CDK14: variants seen among roughly 807,000 people sequenced by gnomAD.
CDK14 encodes the protein cyclin dependent kinase 14.
In CDK14, 34 loss-of-function variants were observed where a neutral mutation model predicts 60.7. That is an observed-to-expected ratio of 0.56 (90% CI 0.43 to 0.75). The LOEUF (loss-of-function observed/expected upper bound fraction) is 0.75, where lower values mean the gene tolerates loss of function less well. CDK14 is among the 30% of genes least tolerant of loss of function. The pLI is 0.00. For synonymous variants in CDK14, 197 were observed against 203.7 expected, an observed-to-expected ratio of 0.97 and a Z score of 0.28; for missense variants, 482 against 564.1, an observed-to-expected ratio of 0.85 and a Z score of 1.47.
At chr7:91,040,162 C>T (rs945354276) in intron 10 of CDK14, among the ~76,000 whole-genome samples, 2 of 152,206 alleles carry the variant, frequency 1.3e-5, no homozygotes, top group Non-Finnish European at 2.9e-5. Flanking sequence ...CTTCCACCTG[C>T]CCTGTCTGCA....
intron 2 of CDK14, among the ~76,000 whole-genome samples, chr7:90,640,263 C>T (rs185900799): frequency 1.1e-4 from 17 of 152,248 alleles, no homozygotes; most frequent in Non-Finnish European, 1.6e-4. Context: ...GCCATCTTGG[C>T]TCCTCCCTCT....
intron 4 of CDK14, among the ~76,000 whole-genome samples, chr7:90,781,968 C>G (rs1805346256): frequency 6.6e-6 from 1 of 152,052 alleles, no homozygotes; most frequent in Non-Finnish European, 1.5e-5. Context: ...TCATTGGTAG[C>G]TTGATGGGAA....
chr7:90,749,862 A>C (rs1249547869), intron 4 of CDK14, among the ~76,000 whole-genome samples: 2 of 152,194 alleles, frequency 1.3e-5, no homozygotes, highest in Admixed American at 1.3e-4. Context: ...TCATGCCCCC[A>C]GGACTGAGAA....
chr7:90,804,012 A>G (rs371519931), intron 5 of CDK14, among the ~76,000 whole-genome samples: 37 of 152,348 alleles, frequency 2.4e-4, no homozygotes, highest in African/African-American at 8.7e-4. Flanking sequence ...GAGTGAATGA[A>G]TGAATAAGCT....
chr7:90,776,519 A>G (rs3779554), intron 4 of CDK14, among the ~76,000 whole-genome samples: 66,160 of 152,034 alleles, frequency 0.44, 15,198 homozygotes, highest in East Asian at 0.82. Flanking sequence ...GAAGAATTAG[A>G]AACCGAGTGT....
At chr7:91,185,016 C>T (rs574168707) in intron 14 of CDK14, among the ~76,000 whole-genome samples, 2 of 150,930 alleles carry the variant, frequency 1.3e-5, no homozygotes, top group Admixed American at 6.6e-5. Context: ...GCATACATTG[C>T]GAGTGGTAGC....
intron 10 of CDK14, among the ~76,000 whole-genome samples, chr7:91,027,600 G>C (rs1408809676): frequency 6.6e-6 from 1 of 152,094 alleles, no homozygotes; most frequent in Non-Finnish European, 1.5e-5. Context: ...CTGTACTATT[G>C]TATGTCAGTT....
At chr7:90,747,620 G>C in intron 3 of CDK14, 61 bp from the exon 4 acceptor site, 14 of 907,262 alleles carry the variant, frequency 1.5e-5, no homozygotes, top group Non-Finnish European at 2.2e-5. Flanking sequence ...GCAAAATCAG[G>C]GTATTTGTTG....
chr7:90,956,282 G>T (rs1244705617), intron 9 of CDK14, among the ~76,000 whole-genome samples: 1 of 152,136 alleles, frequency 6.6e-6, no homozygotes, highest in Non-Finnish European at 1.5e-5. Flanking sequence ...TATCCAAAAT[G>T]AAATAAAATG....
At position 90,818,342 on chromosome 7, in the gene CDK14, CA is replaced by C. The variant is rs982096255; in HGVS notation, c.544+27696del. On this transcript the variant is annotated intron_variant, in intron 5 of 14. Transcript: ENST00000380050. ...ACATCACACGATGGAAAAATTAGTG[CA>C]AAAAATATTTTTAAGTTGTTGCCTT... 8.7e-4 allele frequency among the ~76,000 whole-genome samples: 132 copies of C among 152,196 alleles called. 1 individual carries two copies. The highest frequency in any genetic ancestry group is 3.1e-3 in the African/African-American group (129 of 41,546).
chr7:91,175,211 G>C (rs970666903), intron 14 of CDK14, among the ~76,000 whole-genome samples: 1 of 151,738 alleles, frequency 6.6e-6, no homozygotes, highest in Admixed American at 6.6e-5. Context: ...CAAACTAAGC[G>C]TCATAAGTGA....
chr7:91,043,270 T>C lies in CDK14; in HGVS notation c.1042-2627T>C, dbSNP rs1413541260. The stretch of plus-strand genomic sequence containing the variant: ...AGCCAGGAAAACAATTGTACTTTAT[T>C]AGGAGCAAGAGAACAGGGCTCAGAT... On this transcript the variant is annotated intron_variant, in intron 10 of 14. Transcript: ENST00000380050. Among the ~76,000 whole-genome samples, 3 of 152,192 alleles carry C rather than the reference T, an allele frequency of 2.0e-5. No homozygotes were observed. The East Asian group carries it at 5.8e-4, about 29-fold the overall frequency.
intron 2 of CDK14, among the ~76,000 whole-genome samples, chr7:90,664,362 A>C (rs1800927816): frequency 6.6e-6 from 1 of 152,182 alleles, no homozygotes; most frequent in South Asian, 2.1e-4. Flanking sequence ...TAGTTCAACC[A>C]TTGTGGAAGT....
chr7:90,755,594 G>T (rs1274602655), intron 4 of CDK14, among the ~76,000 whole-genome samples: 2 of 152,142 alleles, frequency 1.3e-5, no homozygotes, highest in East Asian at 3.8e-4. Context: ...ACCTGTACAT[G>T]TAGCCCCGTA....
chr7:90,799,134 A>G (rs370598998), intron 5 of CDK14, among the ~76,000 whole-genome samples: 1 of 152,154 alleles, frequency 6.6e-6, no homozygotes, highest in East Asian at 1.9e-4. Context: ...TAGATTCTTG[A>G]ATATGTGATG....
intron 2 of CDK14, among the ~76,000 whole-genome samples, chr7:90,682,769 T>C (rs1801343206): frequency 6.6e-6 from 1 of 152,238 alleles, no homozygotes; most frequent in Non-Finnish European, 1.5e-5. Context: ...GGCATAGTTC[T>C]TCAGCCTTCT....
intron 9 of CDK14, among the ~76,000 whole-genome samples, chr7:90,964,515 C>A (rs1208204132): frequency 3.3e-5 from 5 of 152,168 alleles, no homozygotes; most frequent in Non-Finnish European, 7.4e-5. Flanking sequence ...AACTAACATA[C>A]CACAGCAATA....
chr7:91,169,714 T>C (rs1021434305), intron 14 of CDK14, among the ~76,000 whole-genome samples: 10 of 152,254 alleles, frequency 6.6e-5, no homozygotes, highest in Admixed American at 6.5e-4. Flanking sequence ...AGCATTTTCC[T>C]GGCTTAGTTC....
At chr7:90,877,037 GGTTA>G (rs1394884854) in intron 6 of CDK14, among the ~76,000 whole-genome samples, 5 of 152,108 alleles carry the variant, frequency 3.3e-5, no homozygotes, top group African/African-American at 2.4e-5. Flanking sequence ...TCAATTGGCT[GGTTA>G]GTTGTTGGTT....
Sources: gnomAD v4.1 joint callset for allele counts (sites outside exome capture counted in the v4.1 genomes callset) on GRCh38, gnomAD v4.1.1 for gene constraint, MANE v1.5 for transcripts, NCBI Gene and HGNC (gene_info 2026-07-23, HGNC 2026-07-21) for gene names.